Variants in ERCC6 observed in about 807,000 individuals in gnomAD.
ERCC6 encodes the protein DNA excision repair protein ERCC-6.
In ERCC6, 116 loss-of-function variants were observed where a neutral mutation model predicts 158.7. The ratio of observed to expected loss-of-function variants is 0.73; its 90% CI spans 0.63 to 0.85. ERCC6 has a LOEUF of 0.85. ERCC6 is among the 40% of genes least tolerant of loss of function. The pLI, the probability that ERCC6 is intolerant of heterozygous loss-of-function variation, is 0.00. For synonymous variants in ERCC6, 678 were observed against 659.3 expected (o/e 1.03, Z -0.43); for missense variants, 1,698 against 1,799.4 (o/e 0.94, Z 1.02).
At chr10:49,440,237 G>A in the ERCC6 span, among the ~76,000 whole-genome samples, 1 of 152,212 alleles carries the variant, frequency 6.6e-6, no homozygotes, top group African/African-American at 2.4e-5. Context: ...CCACATGGCT[G>A]GGCAGGCCTC....
At chr10:49,510,172 G>A (rs1453758507) in intron 5 of ERCC6, among the ~76,000 whole-genome samples, 1 of 152,144 alleles carries the variant, frequency 6.6e-6, no homozygotes, top group East Asian at 1.9e-4. Flanking sequence ...ACAACCAGTT[G>A]AACGACACCA....
chr10:49,488,850 C>T (rs1851122467), intron 8 of ERCC6, among the ~76,000 whole-genome samples: 1 of 152,078 alleles, frequency 6.6e-6, no homozygotes, highest in African/African-American at 2.4e-5. Flanking sequence ...GTGGCGTGAT[C>T]TCAGCTCACT....
intron 1 of ERCC6, among the ~76,000 whole-genome samples, chr10:49,533,224 G>C (rs1837515274): frequency 6.6e-6 from 1 of 152,196 alleles, no homozygotes; most frequent in South Asian, 2.1e-4. Context: ...CATTTAGGCA[G>C]CCAGCTAAGA....
intron 18 of ERCC6, among the ~76,000 whole-genome samples, chr10:49,466,858 C>G (rs1245550537): frequency 6.7e-6 from 1 of 149,338 alleles, no homozygotes; most frequent in East Asian, 2.0e-4. Flanking sequence ...GTGATCTCGG[C>G]TCACTGCAAC....
chr10:49,476,171 C>G (rs752908135), intron 12 of ERCC6, 44 bp downstream of exon 12: 44 of 1,362,234 alleles, frequency 3.2e-5, no homozygotes, highest in Non-Finnish European at 4.6e-5. Flanking sequence ...CCTCACTTCT[C>G]TTGGTCCACA....
rs2132640007 is a variant in ERCC6, at chr10:49,532,941, G to A, written c.24C>T (p.His8=). 2 of 1,614,210 alleles carry A rather than the reference G, an allele frequency of 1.2e-6. No individual in the cohort carries two copies. Among genetic ancestry groups the A allele is most frequent in the South Asian group, 2.2e-5 (2 of 91,076 alleles). Residue 8 remains histidine (H), a synonymous_variant, in exon 2 of 21, where the codon CAC becomes CAT. Coordinates refer to ENST00000355832, the MANE Select transcript of ERCC6 (RefSeq NM_000124.4). ...AGTCTTGCTCCTGAGTTTGACTTGA[G>A]TGGGGGATTCCCTCATTTGGCATTC... MPNEGIP[H]SSQTQEQDCL...
chr10:49,438,124 A>T, the ERCC6 span, among the ~76,000 whole-genome samples: 1 of 152,180 alleles, frequency 6.6e-6, no homozygotes, highest in Non-Finnish European at 1.5e-5. Flanking sequence ...ACCACACTGC[A>T]GATCCAGTGT....
chr10:49,483,456 T>C lies in ERCC6; in HGVS notation c.1882A>G (p.Ile628Val). The change falls in exon 9 of 21, where the codon ATT becomes GTT. Residue 628 changes from isoleucine (I) to valine (V), a missense_variant. By Grantham distance (29) the Ile-to-Val change is conservative. Coordinates refer to ENST00000355832, the MANE Select transcript of ERCC6 (RefSeq NM_000124.4). ...CTAATGTCATCCTGCATCAATCGAA[T>C]GTAGGAGTAAGATGTGATCAAAATT... ...HGILITSYSY[I>V]RLMQDDISRY... is the part of the protein sequence containing the mutation. 2 of 1,614,150 alleles carry C rather than the reference T, an allele frequency of 1.2e-6. No homozygotes were observed. Among genetic ancestry groups the C allele is most frequent in the African/African-American group, 1.3e-5 (1 of 75,060 alleles).
intron 11 of ERCC6, 37 bp downstream of exon 11, chr10:49,478,317 C>A: frequency 7.7e-7 from 1 of 1,302,282 alleles, no homozygotes; most frequent in South Asian, 1.2e-5. Context: ...CACACTTGTG[C>A]TTTAGGAATG....
the ERCC6 span, among the ~76,000 whole-genome samples, chr10:49,436,314 C>A: frequency 6.6e-6 from 1 of 151,996 alleles, no homozygotes; most frequent in Non-Finnish European, 1.5e-5. Flanking sequence ...ACAGCAAACA[C>A]TAGCAATAAA....
At position 49,455,048 on chromosome 10, in the gene ERCC6, A is replaced by G. The variant is rs1040865458; in HGVS notation, c.*3767T>C. 6.6e-6 allele frequency among the ~76,000 whole-genome samples: 1 copy of G among 152,202 alleles called. No individual in the cohort carries two copies. The highest frequency in any genetic ancestry group is 2.4e-5 in the African/African-American group (1 of 41,456). ...ATGGTTCTTAAATAAACAAAAAAAA[A>G]TGGAAAGACTGAATTTACTATATTT... is the stretch of plus-strand genomic sequence containing the variant. On this transcript the variant is annotated 3_prime_UTR_variant, in exon 21 of 21. Transcript: ENST00000355832.
chr10:49,521,930 G>A (rs190476306), intron 5 of ERCC6, among the ~76,000 whole-genome samples: 127 of 152,254 alleles, frequency 8.3e-4, no homozygotes, highest in Non-Finnish European at 1.4e-3. Flanking sequence ...GTGAAAGGCC[G>A]ATGGCTCTCA....
chr10:49,459,536 G>A (rs1850540746), intron 20 of ERCC6, among the ~76,000 whole-genome samples: 1 of 152,146 alleles, frequency 6.6e-6, no homozygotes, highest in South Asian at 2.1e-4. Context: ...TTCCAGGCAA[G>A]GTTTCAGGAA....
In ERCC6 at chr10:49,490,589, G is replaced by A. The variant is rs912440489; in HGVS notation, c.1821+2528C>T. Reference sequence around the variant, plus strand: ...AGGCTGGTCTCAAACCCCTGACCTCGTGATCCACCCGCCTCGGCCTCCCAA... The same window carrying A: ...AGGCTGGTCTCAAACCCCTGACCTCATGATCCACCCGCCTCGGCCTCCCAA... On this transcript the variant is annotated intron_variant, in intron 8 of 20. Transcript: ENST00000355832. Among the ~76,000 whole-genome samples, 4 of 152,010 alleles carry A rather than the reference G, an allele frequency of 2.6e-5. No individual in the cohort carries two copies. The East Asian group carries it at 5.8e-4, about 22-fold the overall frequency.
chr10:49,490,357 C>CTTTT (rs11400742), intron 8 of ERCC6, among the ~76,000 whole-genome samples: 1 of 140,464 alleles, frequency 7.1e-6, no homozygotes, highest in Admixed American at 7.1e-5. Context: ...AAAAATTTTC[C>CTTTT]TTTTTTTTTT....
rs183599424 is a variant in ERCC6 at position 49,518,765 on chromosome 10, G to A, written c.1397+5268C>T. ...AGGGTTCAATGGGGCCCTGGCCACA[G>A]AGGCCCAGTGCTCAGGGGAAGGACA... On this transcript the variant is annotated intron_variant, in intron 5 of 20. Coordinates refer to ENST00000355832, the MANE Select transcript of ERCC6 (RefSeq NM_000124.4). Among the ~76,000 whole-genome samples, 300 of 152,288 alleles carry A rather than the reference G, an allele frequency of 2.0e-3. 1 individual carries two copies. The highest frequency in any genetic ancestry group is 7.1e-3 in the African/African-American group (296 of 41,560).
chr10:49,510,642 C>A (rs1590446777), intron 5 of ERCC6, among the ~76,000 whole-genome samples: 1 of 152,158 alleles, frequency 6.6e-6, no homozygotes, highest in African/African-American at 2.4e-5. Context: ...CACCTGGGGA[C>A]AAACACTGTC....
At chr10:49,473,418 G>C (rs1353505236) in intron 14 of ERCC6, 59 bp downstream of exon 14, 1 of 1,117,336 alleles carries the variant, frequency 8.9e-7, no homozygotes, top group Non-Finnish European at 1.4e-6. Context: ...GATACGCTTA[G>C]TCCTTTCCCT....
In ERCC6 at chr10:49,476,258, A is replaced by G; in HGVS notation, c.2339T>C (p.Val780Ala). The G allele has an allele frequency of 6.2e-7, 1 of 1,614,076 alleles. No individual in the cohort carries two copies. Reference protein sequence around the residue: ...DEQHKVYQNFVDSKEVYRILN... With the variant: ...DEQHKVYQNFADSKEVYRILN... Reference sequence around the variant, plus strand: ...AATCCTGTAAACTTCTTTGGAATCAACGAAATTTTGGTAGACTTTATGCTG... The same window carrying G: ...AATCCTGTAAACTTCTTTGGAATCAGCGAAATTTTGGTAGACTTTATGCTG... The change falls in exon 12 of 21, where the codon GTT becomes GCT. Residue 780 changes from valine (V) to alanine (A), a missense_variant. Transcript: ENST00000355832.
Sources: gnomAD v4.1 joint callset for allele counts (sites outside exome capture counted in the v4.1 genomes callset) on GRCh38, gnomAD v4.1.1 for gene constraint, MANE v1.5 for transcripts, NCBI Gene and HGNC (gene_info 2026-07-23, HGNC 2026-07-21) for gene names.